The following ACOX1 variants were observed in gnomAD, a reference collection of about 807,000 sequenced individuals.
ACOX1 encodes the protein acyl-CoA oxidase 1.
In ACOX1, 41 loss-of-function variants were observed where a neutral mutation model predicts 75.5. The observed-to-expected ratio is 0.54, with a 90% CI of 0.42 to 0.70. The LOEUF (loss-of-function observed/expected upper bound fraction) is 0.70, where lower values mean the gene tolerates loss of function less well. ACOX1 is among the 30% of genes least tolerant of loss of function. ACOX1 has a pLI of 0.00. For missense variants in ACOX1, 630 were observed against 837.5 expected (o/e 0.75, Z 3.06); for synonymous variants, 303 against 298.8 (o/e 1.01, Z -0.15).
At chr17:75,969,883 CAGAA>C (rs1433077073) in intron 2 of ACOX1, among the ~76,000 whole-genome samples, 2 of 151,994 alleles carry the variant, frequency 1.3e-5, no homozygotes, top group African/African-American at 4.8e-5. Context: ...GGGAAGAAGA[CAGAA>C]AGAGAGCGAG....
chr17:75,978,408 T>C lies in ACOX1; in HGVS notation c.269+126A>G, dbSNP rs2066078793. ...GCGCCCGGCCACACATATAACTTTA[T>C]AAAGTTGCATGAAAATATGCCAGTT... On this transcript the variant is annotated intron_variant, in intron 2 of 13. Transcript: ENST00000293217. The surrounding 1 kb of genome is among the most constrained non-coding windows in gnomAD (Gnocchi z 4.2). 2 of 1,341,690 alleles carry C rather than the reference T, an allele frequency of 1.5e-6. No homozygotes were observed. Among genetic ancestry groups the C allele is most frequent in the South Asian group, 1.2e-5 (1 of 84,272 alleles). 83.1% of individuals were successfully genotyped at this position (1,341,690 alleles called of 1,614,324 possible).
intron 2 of ACOX1, chr17:75,973,930 A>G (rs2144315981): frequency 1.3e-6 from 1 of 793,170 alleles, no homozygotes; most frequent in Non-Finnish European, 2.0e-6. Context: ...AAGATTTACC[A>G]TTTTACTACC....
intron 7 of ACOX1, 25 bp downstream of exon 7, chr17:75,953,426 A>G: frequency 6.2e-7 from 1 of 1,612,428 alleles, no homozygotes; most frequent in African/African-American, 1.3e-5. Flanking sequence ...TTTGGTACTG[A>G]GCCCATCTAG....
chr17:75,949,576 G>T lies in ACOX1; in HGVS notation c.1503C>A (p.Asn501Lys), dbSNP rs752938493. 1 of 1,614,146 alleles carries T rather than the reference G, an allele frequency of 6.2e-7. No individual in the cohort carries two copies. Among genetic ancestry groups the T allele is most frequent in the Non-Finnish European group, 8.5e-7 (1 of 1,180,020 alleles). ...TTCTGTGAATCACTTCTTTTTGAAG[G>T]TTTTTTGCAGCAATTTCTACTAATC... is the stretch of plus-strand genomic sequence containing the variant. ...AARLVEIAAK[N>K]LQKEVIHRKS... Residue 501 changes from asparagine (N) to lysine (K), a missense_variant, in exon 11 of 14, where the codon AAC becomes AAA. Transcript: ENST00000293217.
At chr17:75,973,069 A>G (rs1420870162) in intron 2 of ACOX1, among the ~76,000 whole-genome samples, 1 of 152,236 alleles carries the variant, frequency 6.6e-6, no homozygotes. Flanking sequence ...ACAATTTAAC[A>G]AAGAATTACT....
chr17:75,973,555 C>T (rs2066016461), intron 2 of ACOX1: 1 of 1,551,862 alleles, frequency 6.4e-7, no homozygotes, highest in African/African-American at 1.4e-5. Context: ...AGAAAAAAGT[C>T]AAATGCCAGC....
intron 7 of ACOX1, 88 bp from the exon 8 acceptor site, chr17:75,951,665 A>T: frequency 7.4e-7 from 1 of 1,348,572 alleles, no homozygotes; most frequent in Non-Finnish European, 1.1e-6. Context: ...AGCACTTGGT[A>T]TTTTAACTTA....
Position 75,948,456 on chromosome 17 carries a change from C to G in ACOX1, c.1730G>C (p.Gly577Ala), listed in dbSNP as rs1488431008. 1 of 1,613,922 alleles carries G rather than the reference C, an allele frequency of 6.2e-7. No individual in the cohort carries two copies. Among genetic ancestry groups the G allele is most frequent in the Non-Finnish European group, 8.5e-7 (1 of 1,179,934 alleles). ...AATCTGAGGCTCTGTCATGATGCTCCCCTAAAAGAGACCAAAATAAGTAAA... is the reference window on the plus strand; with the variant it reads ...AATCTGAGGCTCTGTCATGATGCTCGCCTAAAAGAGACCAAAATAAGTAAA... ...ISQNAGDFLQ[G>A]SIMTEPQITQ... Residue 577 changes from glycine to alanine, a missense_variant and splice_region_variant, in exon 13 of 14, where the codon GGG becomes GCG. This residue lies in a region of ACOX1 where 240 missense variants were observed against 262.7 expected (regional missense o/e 0.91). Coordinates refer to ENST00000293217, the MANE Select transcript of ACOX1 (RefSeq NM_004035.7).
chr17:75,965,337 CAAAAAAA>C (rs11293371), intron 2 of ACOX1, among the ~76,000 whole-genome samples: 2 of 81,712 alleles, frequency 2.4e-5, no homozygotes, highest in South Asian at 8.7e-4. Flanking sequence ...GACTCTGTCT[CAAAAAAA>C]AAAAAAAAAA....
intron 4 of ACOX1, among the ~76,000 whole-genome samples, chr17:75,956,305 A>C (rs1192435460): frequency 6.6e-6 from 1 of 152,186 alleles, no homozygotes; most frequent in Non-Finnish European, 1.5e-5. Flanking sequence ...TAAATAAAAT[A>C]TATAATGTGA....
chr17:75,971,858 G>A (rs1193730940), intron 2 of ACOX1, among the ~76,000 whole-genome samples: 1 of 152,100 alleles, frequency 6.6e-6, no homozygotes, highest in Non-Finnish European at 1.5e-5. Flanking sequence ...ATTAGCCTCA[G>A]ACTATTTCAC....
In ACOX1 at chr17:75,943,197, C is replaced by T. The variant is rs192191225; in HGVS notation, c.*3551G>A. 161 of 148,472 alleles carry T rather than the reference C, an allele frequency of 1.1e-3. No individual in the cohort carries two copies. The highest frequency in any genetic ancestry group is 3.6e-3 in the African/African-American group (144 of 39,814). 9.2% of individuals were successfully genotyped at this position (148,472 alleles called of 1,614,324 possible). ...AGTCGAGATCGCACCATTGCATTCC[C>T]GCCTGGGAGACTCCATCTCAAAAAA... On this transcript the variant is annotated 3_prime_UTR_variant, in exon 14 of 14. Coordinates refer to ENST00000293217, the MANE Select transcript of ACOX1 (RefSeq NM_004035.7).
intron 2 of ACOX1, among the ~76,000 whole-genome samples, chr17:75,965,033 T>C (rs1336099939): frequency 4.6e-5 from 7 of 151,848 alleles, no homozygotes; most frequent in Admixed American, 3.9e-4. Flanking sequence ...CTGCAGGCTA[T>C]AAGGGAAAAA....
intron 7 of ACOX1, among the ~76,000 whole-genome samples, chr17:75,953,053 T>C (rs2065789125): frequency 6.6e-6 from 1 of 152,112 alleles, no homozygotes. Flanking sequence ...ACTGTGGCTA[T>C]GAATGCAAAA....
At chr17:75,949,163 A>G (rs1340830156) in intron 12 of ACOX1, 54 bp downstream of exon 12, 1 of 1,609,444 alleles carries the variant, frequency 6.2e-7, no homozygotes, top group Non-Finnish European at 8.5e-7. Context: ...CCCAGCCAAC[A>G]ATTATTTTTC....
At chr17:75,956,764 G>C (rs1212442930) in intron 4 of ACOX1, among the ~76,000 whole-genome samples, 9 of 146,192 alleles carry the variant, frequency 6.2e-5, no homozygotes, top group Non-Finnish European at 1.2e-4. Flanking sequence ...GTTTCACTCT[G>C]TCACCCAGGC....
chr17:75,964,363 G>A (rs2065912311), intron 2 of ACOX1, among the ~76,000 whole-genome samples: 1 of 152,030 alleles, frequency 6.6e-6, no homozygotes, highest in Non-Finnish European at 1.5e-5. Context: ...TGAAACCTGG[G>A]ACCAGACACT....
intron 2 of ACOX1, chr17:75,973,468 G>T: frequency 1.3e-6 from 1 of 792,516 alleles, no homozygotes; most frequent in South Asian, 1.5e-5. Context: ...CAGTTTCCAG[G>T]GAAAATGTCT....
chr17:75,952,830 CAA>C (rs561945963), intron 7 of ACOX1, among the ~76,000 whole-genome samples: 15 of 75,088 alleles, frequency 2.0e-4, no homozygotes, highest in Non-Finnish European at 1.8e-4. Flanking sequence ...GAATCCATCT[CAA>C]AAAAAAAAAA....
Sources: allele counts gnomAD v4.1 joint callset (sites outside exome capture counted in the v4.1 genomes callset), GRCh38; gene constraint gnomAD v4.1.1; regional missense constraint gnomAD v4.1.1; non-coding constraint Gnocchi (gnomAD v3.1); transcripts MANE v1.5; gene names NCBI Gene and HGNC (gene_info 2026-07-23, HGNC 2026-07-21).